The following SPAG1 variants were observed in gnomAD, a reference collection of about 807,000 sequenced individuals.
SPAG1 encodes the protein sperm associated antigen 1, also known as sperm-associated antigen 1.
Under a neutral mutation model 100.5 loss-of-function variants are expected in SPAG1, and 69 were observed. That is an observed-to-expected ratio of 0.69 (90% confidence interval 0.57 to 0.84). The LOEUF (loss-of-function observed/expected upper bound fraction) is 0.84, where lower values mean the gene tolerates loss of function less well. Ranked by LOEUF, SPAG1 falls within the 40% of genes least tolerant of loss-of-function variation. SPAG1 has a pLI of 0.00. For synonymous variants in SPAG1, 336 were observed against 411.6 expected (o/e 0.82, Z 2.22); for missense variants, 955 against 1,133.1 (o/e 0.84, Z 2.26).
At chr8:100,231,421 A>C (rs1483004428) in intron 15 of SPAG1, 133 bp downstream of exon 15, 2 of 597,420 alleles carry the variant, frequency 3.3e-6, no homozygotes, top group Admixed American at 6.4e-5. Context: ...TTCTATAGCA[A>C]GCTGTCCTAA....
At chr8:100,171,765 T>C (rs529002304) in intron 3 of SPAG1, among the ~76,000 whole-genome samples, 2 of 152,242 alleles carry the variant, frequency 1.3e-5, no homozygotes, top group Non-Finnish European at 2.9e-5. Flanking sequence ...AGAATCACTG[T>C]CCTGTGCCAC....
chr8:100,176,372 T>TC (rs1338868720), intron 3 of SPAG1, among the ~76,000 whole-genome samples: 3 of 151,862 alleles, frequency 2.0e-5, no homozygotes, highest in African/African-American at 7.3e-5. Context: ...TTTCTTTCTT[T>TC]CTTTTTTTTT....
chr8:100,194,319 AT>A, intron 10 of SPAG1, 51 bp downstream of exon 10: 1 of 1,574,514 alleles, frequency 6.4e-7, no homozygotes, highest in Non-Finnish European at 8.6e-7. Flanking sequence ...TTTTAATATG[AT>A]GAGCTGGCTC....
At chr8:100,211,429 G>C (rs1817712754) in intron 10 of SPAG1, among the ~76,000 whole-genome samples, 1 of 152,196 alleles carries the variant, frequency 6.6e-6, no homozygotes, top group African/African-American at 2.4e-5. Flanking sequence ...GCCAAGGAGA[G>C]AGGACTGCTT....
intron 9 of SPAG1, among the ~76,000 whole-genome samples, chr8:100,192,355 A>G (rs1816851359): frequency 6.6e-6 from 1 of 152,196 alleles, no homozygotes; most frequent in Non-Finnish European, 1.5e-5. Context: ...TGCTTCTTTT[A>G]TGATGGGATA....
intron 3 of SPAG1, among the ~76,000 whole-genome samples, chr8:100,176,823 C>CCT (rs1371461680): frequency 3.4e-5 from 5 of 148,474 alleles, no homozygotes; most frequent in Non-Finnish European, 7.5e-5. Context: ...CCTCTCCTCT[C>CCT]CTCTCCTCTC....
At position 100,162,393 on chromosome 8, in the gene SPAG1, A is replaced by T. The variant is rs768060270; in HGVS notation, c.113A>T (p.His38Leu). ...ATTGAAAAATGTTCAGATGTTAAAC[A>T]TCTGGAAAAAATTCTTTGCGTGCTC... is the stretch of plus-strand genomic sequence containing the variant. Reference protein sequence around the residue: ...KYIEKCSDVKHLEKILCVLRS... With the variant: ...KYIEKCSDVKLLEKILCVLRS... Residue 38 changes from histidine (H) to leucine (L), a missense_variant, in exon 2 of 19, where the codon CAT (histidine) becomes CTT (leucine). His to Leu is a moderately conservative substitution (Grantham distance 99). Transcript: ENST00000388798. 5 of 1,584,582 alleles carry T rather than the reference A, an allele frequency of 3.2e-6. No individual in the cohort carries two copies. Among genetic ancestry groups the T allele is most frequent in the Non-Finnish European group, 3.4e-6 (4 of 1,171,182 alleles).
chr8:100,163,711 T>C (rs1815420686), intron 2 of SPAG1, among the ~76,000 whole-genome samples: 2 of 152,240 alleles, frequency 1.3e-5, no homozygotes, highest in Non-Finnish European at 2.9e-5. Flanking sequence ...TTCTTCCCTG[T>C]TGGTCCACAG....
chr8:100,171,217 C>T (rs556994310), intron 3 of SPAG1, among the ~76,000 whole-genome samples: 8 of 152,208 alleles, frequency 5.3e-5, no homozygotes, highest in African/African-American at 1.7e-4. Flanking sequence ...ATATCTTTTA[C>T]AAATATATTC....
chr8:100,194,295 T>C, intron 10 of SPAG1, 27 bp downstream of exon 10: 3 of 1,596,692 alleles, frequency 1.9e-6, no homozygotes, highest in Non-Finnish European at 2.6e-6. Context: ...ATTTAGGTTA[T>C]GTAAAAAGCT....
At chr8:100,168,487 A>C (rs979441431) in intron 3 of SPAG1, among the ~76,000 whole-genome samples, 6 of 151,692 alleles carry the variant, frequency 4.0e-5, no homozygotes, top group Non-Finnish European at 4.4e-5. Flanking sequence ...TTGACCTCCC[A>C]GACTCAAGCG....
At chr8:100,200,215 T>C (rs1156780793) in intron 10 of SPAG1, among the ~76,000 whole-genome samples, 1 of 152,188 alleles carries the variant, frequency 6.6e-6, no homozygotes, top group African/African-American at 2.4e-5. Flanking sequence ...TCTGTCCTTG[T>C]GATAGTTTGC....
At chr8:100,170,430 C>T (rs1363708113) in intron 3 of SPAG1, among the ~76,000 whole-genome samples, 1 of 152,066 alleles carries the variant, frequency 6.6e-6, no homozygotes, top group Non-Finnish European at 1.5e-5. Context: ...TTTGAGTGTA[C>T]AGTTCAGTAG....
chr8:100,194,152 A>G lies in SPAG1; in HGVS notation c.980A>G (p.Glu327Gly). 3.1e-6 allele frequency: 5 copies of G among 1,594,230 alleles called. No individual in the cohort carries two copies. The highest frequency in any genetic ancestry group is 4.3e-6 in the Non-Finnish European group (5 of 1,173,582). ...GTTGAAAGAGATCTGAAAAATTCTG[A>G]AGCTGCATCTGAGACTCAAACCAAA... ...SEVERDLKNS[E>G]AASETQTKGK... The change falls in exon 10 of 19, where the codon GAA becomes GGA. Residue 327 changes from glutamate (E) to glycine (G), a missense_variant. Glu to Gly is a moderately conservative substitution (Grantham distance 98, BLOSUM62 -2). Coordinates refer to ENST00000388798, the MANE Select transcript of SPAG1 (RefSeq NM_003114.5).
chr8:100,210,054 G>A (rs1423709845), intron 10 of SPAG1, among the ~76,000 whole-genome samples: 1 of 152,018 alleles, frequency 6.6e-6, no homozygotes, highest in Non-Finnish European at 1.5e-5. Context: ...TGGTGAAAAT[G>A]GGCATCCTTG....
intron 10 of SPAG1, among the ~76,000 whole-genome samples, chr8:100,212,436 T>C (rs2439457): frequency 0.63 from 95,219 of 152,076 alleles, 30,159 homozygotes; most frequent in African/African-American, 0.72. Flanking sequence ...TATTTAAAAA[T>C]AGATTCAACA....
intron 10 of SPAG1, among the ~76,000 whole-genome samples, chr8:100,206,741 G>C (rs1472738157): frequency 6.6e-6 from 1 of 152,200 alleles, no homozygotes; most frequent in Admixed American, 6.5e-5. Context: ...ACAATGCCTG[G>C]TGTCACAAGG....
chr8:100,183,345 G>C, intron 4 of SPAG1, 30 bp from the exon 5 acceptor site: 1 of 943,432 alleles, frequency 1.1e-6, no homozygotes, highest in Non-Finnish European at 1.7e-6. Context: ...TATTAAATAT[G>C]TCTCATAAAA....
chr8:100,222,075 G>A (rs949074715), intron 13 of SPAG1, among the ~76,000 whole-genome samples: 2 of 152,182 alleles, frequency 1.3e-5, no homozygotes, highest in African/African-American at 4.8e-5. Flanking sequence ...CTCACCTGGC[G>A]CTGCACAGCC....
Sources: allele counts gnomAD v4.1 joint callset (sites outside exome capture counted in the v4.1 genomes callset), GRCh38; gene constraint gnomAD v4.1.1; transcripts MANE v1.5; gene names NCBI Gene and HGNC (gene_info 2026-07-23, HGNC 2026-07-21).